CUL5: variants seen among roughly 807,000 people sequenced by gnomAD.
CUL5 encodes cullin-5.
In CUL5, 26 loss-of-function variants were observed where a neutral mutation model predicts 108.8. The ratio of observed to expected loss-of-function variants is 0.24; its 90% confidence interval spans 0.18 to 0.33. The LOEUF (loss-of-function observed/expected upper bound fraction) is 0.33, where lower values mean the gene tolerates loss of function less well. Among genes scored for constraint, CUL5 ranks in the 10% least tolerant of loss-of-function variants. The pLI is 1.00. For missense variants in CUL5, 524 were observed against 909.2 expected (o/e 0.58, Z 5.45); for synonymous variants, 334 against 298.0 (o/e 1.12, Z -1.25).
At position 108,104,629 on chromosome 11, in the gene CUL5, C is replaced by T; in HGVS notation, c.*245C>T. 1 of 294,448 alleles carries T rather than the reference C, an allele frequency of 3.4e-6. No homozygotes were observed. The highest frequency in any genetic ancestry group is 6.2e-6 in the Non-Finnish European group (1 of 161,704). The allele number at this position is 294,448 out of a possible 1,614,324, so 18.2% of individuals were successfully genotyped here. A position where few individuals can be genotyped will look rare whatever the true frequency, so the allele number is the denominator to read the frequency against. ...GGAGAAACTTGCATTCATGAAGAGCCCATTATCAACTTTTAAAAGTGAATT... is the reference window on the plus strand; with the variant it reads ...GGAGAAACTTGCATTCATGAAGAGCTCATTATCAACTTTTAAAAGTGAATT... On this transcript the variant is annotated 3_prime_UTR_variant, in exon 19 of 19. Coordinates refer to ENST00000393094, the MANE Select transcript of CUL5 (RefSeq NM_003478.6).
chr11:108,085,357 A>G (rs551344824), intron 11 of CUL5, among the ~76,000 whole-genome samples: 2 of 152,254 alleles, frequency 1.3e-5, no homozygotes, highest in South Asian at 4.1e-4. Flanking sequence ...ATATGGTTGT[A>G]TGAGGTATCA....
intron 1 of CUL5, among the ~76,000 whole-genome samples, chr11:108,022,623 A>G (rs1266121636): frequency 1.3e-5 from 2 of 152,206 alleles, no homozygotes; most frequent in Admixed American, 6.5e-5. Flanking sequence ...TCCTAAGCCA[A>G]TTAACACAGG....
chr11:108,041,763 C>T (rs532959544), intron 2 of CUL5, among the ~76,000 whole-genome samples: 4 of 151,690 alleles, frequency 2.6e-5, no homozygotes, highest in Non-Finnish European at 5.9e-5. Flanking sequence ...GCTAATTTTT[C>T]GTATTTTTAG....
At chr11:108,059,706 G>A (rs1005989381) in intron 7 of CUL5, among the ~76,000 whole-genome samples, 1 of 151,804 alleles carries the variant, frequency 6.6e-6, no homozygotes, top group Non-Finnish European at 1.5e-5. Context: ...GTGAAACCCT[G>A]TCTCTACTAA....
chr11:108,095,476 TAAG>T, intron 15 of CUL5, 51 bp from the exon 16 acceptor site: 17 of 1,217,764 alleles, frequency 1.4e-5, no homozygotes, highest in Non-Finnish European at 2.0e-5. Context: ...TCATAGATAT[TAAG>T]AGAGAATCAT....
At chr11:108,078,706 T>TAGTA (rs1863998440) in intron 11 of CUL5, among the ~76,000 whole-genome samples, 1 of 152,130 alleles carries the variant, frequency 6.6e-6, no homozygotes, top group Non-Finnish European at 1.5e-5. Flanking sequence ...ACTTTCAGAG[T>TAGTA]AGTACTAAAT....
chr11:108,096,196 A>C (rs547130679), intron 16 of CUL5, among the ~76,000 whole-genome samples: 10 of 151,318 alleles, frequency 6.6e-5, no homozygotes, highest in Non-Finnish European at 1.5e-4. Context: ...AAAGTGCTTC[A>C]AAAAAAAGGA....
intron 7 of CUL5, 131 bp downstream of exon 7, chr11:108,055,086 A>G (rs1337727719): frequency 2.8e-6 from 2 of 714,240 alleles, no homozygotes; most frequent in Admixed American, 3.1e-5. Flanking sequence ...CTTTTTGCCT[A>G]TGAGCCATAG....
intron 7 of CUL5, among the ~76,000 whole-genome samples, chr11:108,067,006 A>T (rs181717468): frequency 6.6e-6 from 1 of 152,354 alleles, no homozygotes; most frequent in East Asian, 1.9e-4. Context: ...AAGTATGTAC[A>T]TGCTCTACTT....
intron 1 of CUL5, among the ~76,000 whole-genome samples, chr11:108,015,614 A>G (rs1425943473): frequency 6.6e-6 from 1 of 152,202 alleles, no homozygotes; most frequent in East Asian, 1.9e-4. Context: ...TAGGGAGGAA[A>G]CAAATTTCAA....
In CUL5 at chr11:108,049,959, A is replaced by G; in HGVS notation, c.304A>G (p.Thr102Ala). The change falls in exon 4 of 19, where the codon ACA (threonine) becomes GCA (alanine). Residue 102 changes from threonine to alanine, a missense_variant. Thr to Ala is a moderately conservative substitution (Grantham distance 58, BLOSUM62 0). Around this residue, in one of 8 missense-constraint regions of CUL5, gnomAD observed 170 missense variants for 305.1 expected, o/e 0.56. Coordinates refer to ENST00000393094, the MANE Select transcript of CUL5 (RefSeq NM_003478.6). ...AYIVEWRKFF[T>A]QCDILPKPFC... is the part of the protein sequence containing the mutation. ...TATTGTTGAATGGCGAAAGTTCTTT[A>G]CACAATGTGATATTTTACCAAAACC... is the stretch of plus-strand genomic sequence containing the variant. 1 of 1,613,642 alleles carries G rather than the reference A, an allele frequency of 6.2e-7. No individual in the cohort carries two copies. Among genetic ancestry groups the G allele is most frequent in the South Asian group, 1.1e-5 (1 of 91,068 alleles).
intron 10 of CUL5, among the ~76,000 whole-genome samples, chr11:108,074,545 G>A (rs1225588522): frequency 6.6e-6 from 1 of 151,760 alleles, no homozygotes; most frequent in Admixed American, 6.6e-5. Flanking sequence ...AGTGGCTCAC[G>A]CCTGTAACCA....
At chr11:108,018,999 A>G (rs1384927434) in intron 1 of CUL5, among the ~76,000 whole-genome samples, 2 of 152,126 alleles carry the variant, frequency 1.3e-5, no homozygotes, top group Non-Finnish European at 2.9e-5. Flanking sequence ...TCTGTATTGA[A>G]TATGTACAGA....
intron 1 of CUL5, among the ~76,000 whole-genome samples, chr11:108,018,072 G>A (rs926337139): frequency 1.3e-5 from 2 of 152,086 alleles, no homozygotes; most frequent in African/African-American, 4.8e-5. Flanking sequence ...AGTGTCTCTT[G>A]TACCATCTCA....
chr11:108,030,210 A>G (rs552981669), intron 1 of CUL5, among the ~76,000 whole-genome samples: 2 of 152,344 alleles, frequency 1.3e-5, no homozygotes, highest in East Asian at 1.9e-4. Flanking sequence ...AGTAGCCAAC[A>G]CTAAGAGGAG....
At chr11:108,063,030 A>G (rs1264629663) in intron 7 of CUL5, among the ~76,000 whole-genome samples, 1 of 152,072 alleles carries the variant, frequency 6.6e-6, no homozygotes, top group Non-Finnish European at 1.5e-5. Context: ...TTTTTAGTAG[A>G]GATGGGGTTT....
intron 7 of CUL5, among the ~76,000 whole-genome samples, chr11:108,069,025 CAG>C (rs1391273085): frequency 1.3e-5 from 2 of 152,170 alleles, no homozygotes; most frequent in East Asian, 1.9e-4. Context: ...GGGAGACTGA[CAG>C]GGGGATCATG....
At chr11:108,024,751 C>G (rs1862416202) in intron 1 of CUL5, among the ~76,000 whole-genome samples, 1 of 152,094 alleles carries the variant, frequency 6.6e-6, no homozygotes, top group African/African-American at 2.4e-5. Context: ...CCTTTATAAT[C>G]CCCAATTAGT....
intron 7 of CUL5, among the ~76,000 whole-genome samples, chr11:108,058,091 C>T (rs913851482): frequency 6.7e-6 from 1 of 148,990 alleles, no homozygotes; most frequent in African/African-American, 2.5e-5. Flanking sequence ...CACCTGTAAT[C>T]CCAGCTACTC....
Sources: allele counts gnomAD v4.1 joint callset (sites outside exome capture counted in the v4.1 genomes callset), GRCh38; gene constraint gnomAD v4.1.1; regional missense constraint gnomAD v4.1.1; transcripts MANE v1.5; gene names NCBI Gene and HGNC (gene_info 2026-07-23, HGNC 2026-07-21).